The following PRKN variants were observed in gnomAD, a reference collection of about 807,000 sequenced individuals.
The protein encoded by PRKN is E3 ubiquitin-protein ligase parkin.
Under a neutral mutation model 59.5 loss-of-function variants are expected in PRKN, and 56 were observed. The observed-to-expected ratio is 0.94, with a 90% CI of 0.76 to 1.18. The LOEUF (loss-of-function observed/expected upper bound fraction) is 1.18, where lower values mean the gene tolerates loss of function less well. PRKN is among the 50% of genes most tolerant of loss of function. The pLI is 0.00. For synonymous variants in PRKN, 250 were observed against 222.1 expected (o/e 1.13, Z -1.12); for missense variants, 657 against 596.4 (o/e 1.10, Z -1.06).
intron 7 of PRKN, among the ~76,000 whole-genome samples, chr6:161,680,776 T>TATATATATATATATATTTTG (rs1491495272): frequency 5.3e-5 from 1 of 18,934 alleles, no homozygotes; most frequent in Admixed American, 7.2e-4. Flanking sequence ...TATATATATA[T>TATATATATATATATATTTTG]TTTTTTTTTT....
At chr6:161,450,616 G>A (rs1789688019) in intron 9 of PRKN, among the ~76,000 whole-genome samples, 1 of 152,046 alleles carries the variant, frequency 6.6e-6, no homozygotes, top group African/African-American at 2.4e-5. Context: ...GAGTGCAGTG[G>A]TGTGATCTCA....
chr6:161,718,931 A>C (rs1475594627), intron 7 of PRKN, among the ~76,000 whole-genome samples: 2 of 152,196 alleles, frequency 1.3e-5, no homozygotes, highest in Non-Finnish European at 2.9e-5. Context: ...TCACAATTAT[A>C]GATAATCTCA....
intron 7 of PRKN, among the ~76,000 whole-genome samples, chr6:161,718,017 C>G (rs559022494): frequency 8.5e-5 from 13 of 152,248 alleles, no homozygotes; most frequent in African/African-American, 3.1e-4. Context: ...AGAAACACAT[C>G]GACCAGAGCT....
intron 4 of PRKN, among the ~76,000 whole-genome samples, chr6:162,106,165 G>A (rs946249201): frequency 4.6e-5 from 7 of 152,322 alleles, no homozygotes; most frequent in African/African-American, 1.7e-4. Flanking sequence ...TACAGCTCCC[G>A]TAAGTACGGG....
rs1035811873 is a variant in PRKN, at chr6:161,352,625, C to T, written c.1286-2414G>A. ...AAAATTATTGAGCAATACATTAAAACTTAATGAACTATTAAAGCAATTCTA... is the reference window on the plus strand; with the variant it reads ...AAAATTATTGAGCAATACATTAAAATTTAATGAACTATTAAAGCAATTCTA... On this transcript the variant is annotated intron_variant, in intron 11 of 11. Transcript: ENST00000366898. The surrounding 1 kb of genome is among the most constrained non-coding windows in gnomAD (Gnocchi z 5.8). 1.3e-5 allele frequency among the ~76,000 whole-genome samples: 2 copies of T among 150,826 alleles called. No homozygotes were observed. The highest frequency in any genetic ancestry group is 2.9e-5 in the Non-Finnish European group (2 of 67,816).
intron 2 of PRKN, among the ~76,000 whole-genome samples, chr6:162,326,879 G>C (rs1783309504): frequency 1.3e-5 from 2 of 152,170 alleles, no homozygotes; most frequent in Admixed American, 6.5e-5. Flanking sequence ...TAAGTAAAGA[G>C]AGGAGTTATG....
At chr6:162,326,115 A>G (rs551931678) in intron 2 of PRKN, among the ~76,000 whole-genome samples, 1 of 152,314 alleles carries the variant, frequency 6.6e-6, no homozygotes, top group Non-Finnish European at 1.5e-5. Context: ...CTGAGTAGGG[A>G]GGAGACGAAG....
intron 6 of PRKN, among the ~76,000 whole-genome samples, chr6:161,920,013 C>T (rs1264722044): frequency 6.6e-6 from 1 of 152,186 alleles, no homozygotes; most frequent in Admixed American, 6.5e-5. Flanking sequence ...CTGCTACAAA[C>T]CTAGACTGGA....
At chr6:162,053,862 C>T (rs980783551) in intron 5 of PRKN, among the ~76,000 whole-genome samples, 7 of 152,178 alleles carry the variant, frequency 4.6e-5, no homozygotes, top group Admixed American at 3.9e-4. Flanking sequence ...CACATTTCCA[C>T]ACGGTCCCCC....
chr6:161,544,262 C>T lies in PRKN; in HGVS notation c.1083+4592G>A, dbSNP rs568727599. Among the ~76,000 whole-genome samples, 3 of 152,122 alleles carry T rather than the reference C, an allele frequency of 2.0e-5. No homozygotes were observed. The highest frequency in any genetic ancestry group is 2.9e-5 in the Non-Finnish European group (2 of 68,022). ...GCAGTACTTTCAGGTTTCTAATGGACTTTTTGTGGATCCCTGAACATAGTG... is the reference window on the plus strand; with the variant it reads ...GCAGTACTTTCAGGTTTCTAATGGATTTTTTGTGGATCCCTGAACATAGTG... On this transcript the variant is annotated intron_variant, in intron 9 of 11. Coordinates refer to ENST00000366898, the MANE Select transcript of PRKN (RefSeq NM_004562.3). The surrounding 1 kb of genome is among the most constrained non-coding windows in gnomAD (Gnocchi z 5.5).
At chr6:161,698,668 G>T (rs1200959875) in intron 7 of PRKN, among the ~76,000 whole-genome samples, 1 of 151,960 alleles carries the variant, frequency 6.6e-6, no homozygotes, top group Admixed American at 6.6e-5. Flanking sequence ...TCACATATAT[G>T]GACAATTGAT....
intron 1 of PRKN, among the ~76,000 whole-genome samples, chr6:162,705,498 C>T (rs983981659): frequency 2.6e-5 from 4 of 152,058 alleles, no homozygotes; most frequent in Non-Finnish European, 4.4e-5. Flanking sequence ...CAAACGATAC[C>T]AGTCAAGGAA....
At position 162,414,726 on chromosome 6, in the gene PRKN, A is replaced by AAAAAAAAAAAAAAAAAAAT. The variant is rs34838356; in HGVS notation, c.171+28583_171+28584insATTTTTTTTTTTTTTTTTT. On this transcript the variant is annotated intron_variant, in intron 2 of 11. Coordinates refer to ENST00000366898, the MANE Select transcript of PRKN (RefSeq NM_004562.3). The stretch of plus-strand genomic sequence containing the variant: ...ACTCCGTCTCAAAAAAAAAAAAAAA[A>AAAAAAAAAAAAAAAAAAAT]AGTGAATCTTTGAAGTTTTAAAATA... Among the ~76,000 whole-genome samples, 161 of 91,820 alleles carry AAAAAAAAAAAAAAAAAAAT rather than the reference A, an allele frequency of 1.8e-3. 30 individuals are homozygous for AAAAAAAAAAAAAAAAAAAT. The highest frequency in any genetic ancestry group is 2.2e-3 in the Non-Finnish European group (105 of 47,924). The allele number at this position is 91,820 out of a possible 152,430, so 60.2% of individuals were successfully genotyped here. A position where few individuals can be genotyped will look rare whatever the true frequency, so the allele number is the denominator to read the frequency against.
intron 1 of PRKN, among the ~76,000 whole-genome samples, chr6:162,461,486 A>C (rs1053919340): frequency 8.7e-6 from 1 of 115,002 alleles, no homozygotes; most frequent in Non-Finnish European, 1.7e-5. Flanking sequence ...TGGAGGACAG[A>C]GTTAAAGTGT....
At chr6:161,785,750 A>G (rs1384279626) in intron 7 of PRKN, 22 bp downstream of exon 7, 17 of 1,612,008 alleles carry the variant, frequency 1.1e-5, no homozygotes, top group Non-Finnish European at 1.4e-5. Flanking sequence ...TTAGAGATGG[A>G]GAGAAAACAT....
At chr6:162,311,378 T>C (rs1782509270) in intron 2 of PRKN, among the ~76,000 whole-genome samples, 1 of 151,860 alleles carries the variant, frequency 6.6e-6, no homozygotes, top group South Asian at 2.1e-4. Context: ...ATCAGAAACA[T>C]AGCTAAGTTA....
intron 4 of PRKN, among the ~76,000 whole-genome samples, chr6:162,172,598 T>C (rs779006770): frequency 3.3e-5 from 5 of 152,180 alleles, no homozygotes; most frequent in Non-Finnish European, 5.9e-5. Flanking sequence ...ACCTACCTCA[T>C]AGGTTTGTGG....
At chr6:162,314,207 T>A (rs969508230) in intron 2 of PRKN, among the ~76,000 whole-genome samples, 1 of 152,074 alleles carries the variant, frequency 6.6e-6, no homozygotes, top group Admixed American at 6.5e-5. Context: ...CTGGGTTGAG[T>A]AAAGGGAAGC....
intron 2 of PRKN, among the ~76,000 whole-genome samples, chr6:162,422,245 T>A (rs1031544421): frequency 6.6e-6 from 1 of 152,206 alleles, no homozygotes; most frequent in Non-Finnish European, 1.5e-5. Context: ...AAAGAAGGGC[T>A]ACTTAATAAT....
Sources: allele counts gnomAD v4.1 joint callset (sites outside exome capture counted in the v4.1 genomes callset), GRCh38; gene constraint gnomAD v4.1.1; non-coding constraint Gnocchi (gnomAD v3.1); transcripts MANE v1.5; gene names NCBI Gene and HGNC (gene_info 2026-07-23, HGNC 2026-07-21).